CFDP1: variants seen among roughly 807,000 people sequenced by gnomAD.
The protein encoded by CFDP1 is heterochromatin-stabilizing protein CFDP1.
A neutral mutation model predicts 40.1 loss-of-function variants in CFDP1; 31 were observed. The observed-to-expected ratio is 0.77, with a 90% CI of 0.58 to 1.04. CFDP1 has a LOEUF of 1.04. Among genes scored for constraint, CFDP1 ranks in the 50% least tolerant of loss-of-function variants. The pLI, the probability that CFDP1 is intolerant of heterozygous loss-of-function variation, is 0.00. For synonymous variants in CFDP1, 167 were observed against 120.0 expected, an observed-to-expected ratio of 1.39 and a Z score of -2.56; for missense variants, 423 against 343.4, an observed-to-expected ratio of 1.23 and a Z score of -1.83.
intron 6 of CFDP1, among the ~76,000 whole-genome samples, chr16:75,296,893 T>C (rs1249319582): frequency 6.6e-6 from 1 of 152,160 alleles, no homozygotes; most frequent in Non-Finnish European, 1.5e-5. Flanking sequence ...CAAAACTACT[T>C]GATATGGACT....
intron 5 of CFDP1, among the ~76,000 whole-genome samples, chr16:75,347,785 A>G (rs1412105179): frequency 1.3e-5 from 2 of 152,222 alleles, no homozygotes; most frequent in Non-Finnish European, 2.9e-5. Context: ...TAAAGTTAAT[A>G]TGAGTAATAC....
chr16:75,391,492 T>C (rs2078950293), intron 5 of CFDP1: 2 of 152,230 alleles, frequency 1.3e-5, no homozygotes, highest in Non-Finnish European at 2.9e-5. Flanking sequence ...GTCATAACAG[T>C]TTTTTAAATG....
chr16:75,386,455 T>C (rs868787298), intron 5 of CFDP1, among the ~76,000 whole-genome samples: 1 of 152,252 alleles, frequency 6.6e-6, no homozygotes, highest in African/African-American at 2.4e-5. Context: ...CCGGGCACAG[T>C]GGCTCACGCC....
At chr16:75,322,159 T>A (rs148827577) in intron 5 of CFDP1, among the ~76,000 whole-genome samples, 13 of 152,358 alleles carry the variant, frequency 8.5e-5, no homozygotes, top group African/African-American at 3.1e-4. Flanking sequence ...TACATGATGG[T>A]CATGCATACA....
intron 4 of CFDP1, among the ~76,000 whole-genome samples, chr16:75,398,439 C>A (rs546892992): frequency 1.3e-5 from 2 of 152,264 alleles, no homozygotes; most frequent in African/African-American, 4.8e-5. Flanking sequence ...AGTGAATGGG[C>A]CTTCATGGCT....
At chr16:75,326,671 A>G (rs1188314710) in intron 5 of CFDP1, among the ~76,000 whole-genome samples, 1 of 152,218 alleles carries the variant, frequency 6.6e-6, no homozygotes, top group Non-Finnish European at 1.5e-5. Flanking sequence ...GTGCCTGGTA[A>G]GAACGTCAGG....
At chr16:75,319,647 G>A (rs1009177506) in intron 5 of CFDP1, among the ~76,000 whole-genome samples, 3 of 152,130 alleles carry the variant, frequency 2.0e-5, no homozygotes, top group Non-Finnish European at 4.4e-5. Flanking sequence ...AATATCAATG[G>A]GAAAACTTAA....
At chr16:75,373,489 T>C (rs1054506852) in intron 5 of CFDP1, among the ~76,000 whole-genome samples, 1 of 152,142 alleles carries the variant, frequency 6.6e-6, no homozygotes, top group African/African-American at 2.4e-5. Flanking sequence ...TAAGATAAGA[T>C]ACACAACGCT....
chr16:75,332,868 C>T (rs1262599545), intron 5 of CFDP1, among the ~76,000 whole-genome samples: 3 of 143,284 alleles, frequency 2.1e-5, no homozygotes, highest in African/African-American at 5.2e-5. Flanking sequence ...AGTACAGTGG[C>T]GCGATCCCAG....
chr16:75,433,197 G>T, intron 1 of CFDP1, 92 bp downstream of exon 1: 2 of 1,280,262 alleles, frequency 1.6e-6, no homozygotes, highest in Non-Finnish European at 1.1e-6. Context: ...GACCACCTGG[G>T]CCACAGGGCA....
chr16:75,352,021 A>AAAAG (rs1597348806), intron 5 of CFDP1, among the ~76,000 whole-genome samples: 1 of 149,806 alleles, frequency 6.7e-6, no homozygotes, highest in East Asian at 2.0e-4. Flanking sequence ...AAAAAAAAAA[A>AAAAG]AAAAAAAAAA....
At chr16:75,334,602 T>A (rs1438653030) in intron 5 of CFDP1, among the ~76,000 whole-genome samples, 1 of 151,988 alleles carries the variant, frequency 6.6e-6, no homozygotes, top group Non-Finnish European at 1.5e-5. Flanking sequence ...CTATTCATGT[T>A]GAAATCTGTC....
chr16:75,412,938 A>G (rs76178972), intron 2 of CFDP1, among the ~76,000 whole-genome samples, 184 bp from the exon 3 acceptor site: 1 of 137,178 alleles, frequency 7.3e-6, no homozygotes. Flanking sequence ...AAAAGAATTG[A>G]AAAAAAAAAA....
At chr16:75,343,861 G>C (rs1045328333) in intron 5 of CFDP1, among the ~76,000 whole-genome samples, 2 of 152,186 alleles carry the variant, frequency 1.3e-5, no homozygotes, top group Admixed American at 1.3e-4. Flanking sequence ...TCTGGTAGTT[G>C]AGTAGACGGG....
chr16:75,330,641 G>A (rs2078439231), intron 5 of CFDP1, among the ~76,000 whole-genome samples: 2 of 152,114 alleles, frequency 1.3e-5, no homozygotes, highest in South Asian at 4.1e-4. Flanking sequence ...ACAGAGGTAA[G>A]GCCAGGATGG....
chr16:75,384,852 C>A (rs908264230), intron 5 of CFDP1, among the ~76,000 whole-genome samples: 43 of 119,934 alleles, frequency 3.6e-4, no homozygotes, highest in African/African-American at 1.2e-3. Context: ...GAAACTAAAA[C>A]TATATATATA....
At chr16:75,382,140 C>T (rs1226307705) in intron 5 of CFDP1, among the ~76,000 whole-genome samples, 1 of 150,150 alleles carries the variant, frequency 6.7e-6, no homozygotes, top group Non-Finnish European at 1.5e-5. Flanking sequence ...AAAAAAAAAG[C>T]TCAGAGGCAT....
At chr16:75,416,563 C>A (rs1041066383) in intron 1 of CFDP1, among the ~76,000 whole-genome samples, 13 of 151,364 alleles carry the variant, frequency 8.6e-5, no homozygotes, top group African/African-American at 2.7e-4. Flanking sequence ...GAGTTGAAGA[C>A]CAGCCTGGGC....
chr16:75,412,297 G>C (rs1452926524), intron 3 of CFDP1, among the ~76,000 whole-genome samples: 1 of 152,172 alleles, frequency 6.6e-6, no homozygotes, highest in Admixed American at 6.5e-5. Context: ...GGGATTGTTG[G>C]TGTGTGGCAC....
Sources: gnomAD v4.1 joint callset for allele counts (sites outside exome capture counted in the v4.1 genomes callset) on GRCh38, gnomAD v4.1.1 for gene constraint, MANE v1.5 for transcripts, NCBI Gene and HGNC (gene_info 2026-07-23, HGNC 2026-07-21) for gene names.